Variants in RBFOX1 observed in about 807,000 individuals in gnomAD.
RBFOX1 encodes RNA binding protein fox-1 homolog 1.
Under a neutral mutation model 57.7 loss-of-function variants are expected in RBFOX1, and 8 were observed. The observed-to-expected ratio is 0.14, with a 90% CI of 0.08 to 0.25. The LOEUF (loss-of-function observed/expected upper bound fraction) is 0.25, where lower values mean the gene tolerates loss of function less well. Among genes scored for constraint, RBFOX1 ranks in the 10% least tolerant of loss-of-function variants. The pLI, the probability that RBFOX1 is intolerant of heterozygous loss-of-function variation, is 1.00. For missense variants in RBFOX1, 611 were observed against 548.5 expected (o/e 1.11, Z -1.14); for synonymous variants, 326 against 222.4 (o/e 1.47, Z -4.15).
intron 4 of RBFOX1, among the ~76,000 whole-genome samples, chr16:7,207,244 C>A (rs542073913): frequency 6.4e-4 from 97 of 152,226 alleles, no homozygotes; most frequent in Admixed American, 3.1e-3. Flanking sequence ...ATTGGCCGGG[C>A]GTTATGGGGG....
Position 7,091,000 on chromosome 16 carries a change from A to G in RBFOX1, c.27+38902A>G, listed in dbSNP as rs11639744. 2.9e-3 allele frequency among the ~76,000 whole-genome samples: 446 copies of G among 152,198 alleles called. 2 individuals carry two copies. The highest frequency in any genetic ancestry group is 4.7e-3 in the Non-Finnish European group (322 of 67,994). On this transcript the variant is annotated intron_variant, in intron 4 of 15. Coordinates refer to ENST00000550418, the MANE Select transcript of RBFOX1 (RefSeq NM_018723.4). ...TTCTCCTAGGGCTGGAAAGTAGGCA[A>G]TTGGCACCTACTCATCTAATTCACA...
At chr16:5,362,118 G>A (rs754965920) in intron 1 of RBFOX1, among the ~76,000 whole-genome samples, 24 of 152,258 alleles carry the variant, frequency 1.6e-4, no homozygotes, top group Non-Finnish European at 2.6e-4. Flanking sequence ...ATGTTTACAT[G>A]CATAATACAG....
At chr16:6,540,511 C>G (rs776374897) in intron 2 of RBFOX1, among the ~76,000 whole-genome samples, 2 of 146,622 alleles carry the variant, frequency 1.4e-5, no homozygotes, top group African/African-American at 5.0e-5. Flanking sequence ...ACTCAGGAGG[C>G]TGAGGCAGGA....
At chr16:7,641,415 G>A (rs2062768460) in intron 11 of RBFOX1, among the ~76,000 whole-genome samples, 1 of 152,242 alleles carries the variant, frequency 6.6e-6, no homozygotes, top group Middle Eastern at 3.4e-3. Context: ...CATGCCAAAA[G>A]CTATTTATCC....
chr16:6,708,249 G>A (rs1036048288), intron 3 of RBFOX1, among the ~76,000 whole-genome samples: 1 of 151,430 alleles, frequency 6.6e-6, no homozygotes, highest in Non-Finnish European at 1.5e-5. Flanking sequence ...TATGTTGAAA[G>A]TCATTGTGTG....
chr16:7,396,667 T>G (rs1308215361), intron 4 of RBFOX1, among the ~76,000 whole-genome samples: 2 of 151,992 alleles, frequency 1.3e-5, no homozygotes, highest in Admixed American at 1.3e-4. Context: ...GGGCTGAGAG[T>G]GGTGACTTAC....
chr16:7,613,270 G>C (rs2057869358), intron 10 of RBFOX1, among the ~76,000 whole-genome samples: 1 of 152,248 alleles, frequency 6.6e-6, no homozygotes, highest in African/African-American at 2.4e-5. Flanking sequence ...AAAAGAAAAT[G>C]ACAGGAACTA....
At chr16:6,730,520 A>G (rs1263006746) in intron 3 of RBFOX1, among the ~76,000 whole-genome samples, 1 of 152,082 alleles carries the variant, frequency 6.6e-6, no homozygotes, top group Non-Finnish European at 1.5e-5. Flanking sequence ...CTACCTGTCT[A>G]CCTAATCTGT....
chr16:6,754,416 A>T (rs1400089959), intron 3 of RBFOX1, among the ~76,000 whole-genome samples: 1 of 152,224 alleles, frequency 6.6e-6, no homozygotes, highest in Non-Finnish European at 1.5e-5. Context: ...TTATATTTCA[A>T]AACCTACGGT....
At chr16:6,258,265 A>G (rs1474825028) in intron 1 of RBFOX1, among the ~76,000 whole-genome samples, 1 of 152,236 alleles carries the variant, frequency 6.6e-6, no homozygotes, top group East Asian at 1.9e-4. Flanking sequence ...ATATTGCATA[A>G]TCAACCAAAA....
At chr16:6,463,577 G>C (rs1456153241) in intron 2 of RBFOX1, among the ~76,000 whole-genome samples, 1 of 152,094 alleles carries the variant, frequency 6.6e-6, no homozygotes, top group Non-Finnish European at 1.5e-5. Context: ...CAAGCAAGAA[G>C]GAAGAGTATT....
chr16:5,767,824 C>A (rs985824360), intron 3 of RBFOX1, among the ~76,000 whole-genome samples: 1 of 152,108 alleles, frequency 6.6e-6, no homozygotes, highest in Admixed American at 6.6e-5. Context: ...TCGACTTTGG[C>A]CACCTCCTCC....
chr16:5,981,382 A>G lies in RBFOX1; in HGVS notation c.351+114047A>G, dbSNP rs184861939. 1.2e-4 allele frequency among the ~76,000 whole-genome samples: 19 copies of G among 152,252 alleles called. No individual in the cohort carries two copies. In the East Asian group the frequency reaches 3.5e-3, roughly 28 times the overall value. On this transcript the variant is annotated intron_variant, in intron 4 of 19. Coordinates refer to the RBFOX1 transcript ENST00000641259. ...CTGGAATCTGTATTTGGAAAAACAA[A>G]CTTCCCAGATAATGCTAATGTTTAA...
At chr16:5,969,298 C>CTTTTTTTTTTTTTTTTTTTTTTTTTTTTT in intron 4 of RBFOX1, among the ~76,000 whole-genome samples, 1 of 83,752 alleles carries the variant, frequency 1.2e-5, no homozygotes, top group Non-Finnish European at 2.1e-5. Context: ...TTCGGTTGTT[C>CTTTTTTTTTTTTTTTTTTTTTTTTTTTTT]TTTTTTTTTT....
chr16:6,796,870 C>G (rs888129647), intron 3 of RBFOX1, among the ~76,000 whole-genome samples: 4 of 152,104 alleles, frequency 2.6e-5, no homozygotes, highest in Admixed American at 1.3e-4. Context: ...ATGATGACTG[C>G]TTGTCTTGTT....
At chr16:6,852,916 C>G (rs1165693967) in intron 3 of RBFOX1, among the ~76,000 whole-genome samples, 6 of 152,186 alleles carry the variant, frequency 3.9e-5, no homozygotes, top group Non-Finnish European at 7.3e-5. Flanking sequence ...ATGCTGGGAA[C>G]TAGCTGTCCA....
intron 4 of RBFOX1, among the ~76,000 whole-genome samples, chr16:5,987,826 A>C (rs2060311397): frequency 6.6e-6 from 1 of 152,370 alleles, no homozygotes. Context: ...CTAATTTTTT[A>C]ACTCTTACTC....
At chr16:7,094,316 C>T (rs1228481853) in intron 4 of RBFOX1, among the ~76,000 whole-genome samples, 2 of 151,946 alleles carry the variant, frequency 1.3e-5, no homozygotes, top group Non-Finnish European at 2.9e-5. Context: ...GTTTTGACCA[C>T]TAAGGAACAT....
At position 6,670,800 on chromosome 16, in the gene RBFOX1, A is replaced by T. The variant is rs188816439; in HGVS notation, c.-16+16150A>T. 1.9e-3 allele frequency among the ~76,000 whole-genome samples: 284 copies of T among 152,220 alleles called. 2 individuals are homozygous for T. Among genetic ancestry groups the T allele is most frequent in the African/African-American group, 6.6e-3 (274 of 41,524 alleles). On this transcript the variant is annotated intron_variant, in intron 3 of 15. Coordinates refer to ENST00000550418, the MANE Select transcript of RBFOX1 (RefSeq NM_018723.4). ...ATCACAAGGTCAGGAGATCGAGACC[A>T]TCCTAGCTAACACGGTGAAACCCTG...
Sources: allele counts gnomAD v4.1 joint callset (sites outside exome capture counted in the v4.1 genomes callset), GRCh38; gene constraint gnomAD v4.1.1; transcripts MANE v1.5; gene names NCBI Gene and HGNC (gene_info 2026-07-23, HGNC 2026-07-21).